Variants in ZHX3 observed in about 807,000 individuals in gnomAD.
ZHX3 encodes the protein zinc fingers and homeoboxes protein 3.
Under a neutral mutation model 64.5 loss-of-function variants are expected in ZHX3, and 20 were observed. The ratio of observed to expected loss-of-function variants is 0.31; its 90% confidence interval spans 0.22 to 0.45. The LOEUF is 0.45. Ranked by LOEUF, ZHX3 falls within the 20% of genes least tolerant of loss-of-function variation. The pLI is 1.00. For synonymous variants in ZHX3, 423 were observed against 461.6 expected (o/e 0.92, Z 1.07); for missense variants, 1,041 against 1,195.8 (o/e 0.87, Z 1.91).
chr20:41,255,301 G>A (rs1168832623), intron 2 of ZHX3, among the ~76,000 whole-genome samples: 3 of 151,960 alleles, frequency 2.0e-5, no homozygotes, highest in African/African-American at 4.8e-5. Context: ...ACAGGCGCCC[G>A]CCACCATGCC....
rs1444281868 is a variant in ZHX3 at position 41,212,135 on chromosome 20, C to A, written c.-150-7069G>T. Among the ~76,000 whole-genome samples, 1 of 152,128 alleles carries A rather than the reference C, an allele frequency of 6.6e-6. No individual in the cohort carries two copies. The highest frequency in any genetic ancestry group is 2.4e-5 in the African/African-American group (1 of 41,422). ...ACAATCCACAGAAAGAAAAGGTTTG[C>A]AAATCATCTATCTGGTAAAGTATAT... On this transcript the variant is annotated intron_variant, in intron 2 of 3. Coordinates refer to ENST00000683867, the MANE Select transcript of ZHX3 (RefSeq NM_001384317.1). This position sits in a 1 kb window ranked among gnomAD's most constrained non-coding sequence, Gnocchi z 4.3.
chr20:41,237,623 G>A (rs899705720), intron 2 of ZHX3, among the ~76,000 whole-genome samples: 1 of 152,212 alleles, frequency 6.6e-6, no homozygotes, highest in Non-Finnish European at 1.5e-5. Flanking sequence ...TGGGGTAGGA[G>A]GAGTGGGGAG....
chr20:41,270,865 T>C (rs2043110438), intron 1 of ZHX3, among the ~76,000 whole-genome samples: 1 of 152,152 alleles, frequency 6.6e-6, no homozygotes. Context: ...ATTAATAATT[T>C]ACTGAGAAAC....
At position 41,195,057 on chromosome 20, in the gene ZHX3, G is replaced by A. The variant is rs1361087252; in HGVS notation, c.2860+7000C>T. On this transcript the variant is annotated intron_variant, in intron 3 of 3. Transcript: ENST00000683867. This position sits in a 1 kb window ranked among gnomAD's most constrained non-coding sequence, Gnocchi z 4.2. ...TTATTTCCTTCCTTCTGGTAACTTTGGGTTTCATTTGCTCTTTTCTAGTTC... is the reference window on the plus strand; with the variant it reads ...TTATTTCCTTCCTTCTGGTAACTTTAGGTTTCATTTGCTCTTTTCTAGTTC... Among the ~76,000 whole-genome samples the A allele has an allele frequency of 6.6e-6, 1 of 151,808 alleles. No homozygotes were observed. Among genetic ancestry groups the A allele is most frequent in the African/African-American group, 2.4e-5 (1 of 41,302 alleles).
chr20:41,218,923 GTTTT>G (rs888061526), intron 2 of ZHX3, among the ~76,000 whole-genome samples: 4 of 92,576 alleles, frequency 4.3e-5, no homozygotes, highest in Non-Finnish European at 8.2e-5. Context: ...AAACAGTGCT[GTTTT>G]TTTTTTTTTT....
At chr20:41,230,274 C>G (rs2040520060) in intron 2 of ZHX3, among the ~76,000 whole-genome samples, 1 of 152,062 alleles carries the variant, frequency 6.6e-6, no homozygotes, top group Non-Finnish European at 1.5e-5. Flanking sequence ...TTGGACAGCA[C>G]TGCCTAGATG....
intron 1 of ZHX3, among the ~76,000 whole-genome samples, chr20:41,289,902 T>C (rs1001484708): frequency 9.2e-5 from 14 of 152,226 alleles, no homozygotes; most frequent in Admixed American, 7.8e-4. Flanking sequence ...TATGCACTTC[T>C]ATCCTAGTTG....
At chr20:41,270,324 C>T (rs1385864680) in intron 1 of ZHX3, among the ~76,000 whole-genome samples, 2 of 136,956 alleles carry the variant, frequency 1.5e-5, no homozygotes, top group African/African-American at 5.6e-5. Flanking sequence ...TGCAGTGAGC[C>T]GAGATCGCAC....
intron 2 of ZHX3, among the ~76,000 whole-genome samples, chr20:41,220,238 G>A (rs1016264168): frequency 4.6e-5 from 7 of 152,224 alleles, no homozygotes; most frequent in Non-Finnish European, 1.0e-4. Context: ...AGAGGAGGTT[G>A]CTTTTGGATT....
At chr20:41,302,571 A>T (rs945248899) in intron 1 of ZHX3, among the ~76,000 whole-genome samples, 1 of 152,226 alleles carries the variant, frequency 6.6e-6, no homozygotes, top group African/African-American at 2.4e-5. Context: ...TTCTGCAAAT[A>T]AACACCCACA....
chr20:41,188,079 A>G (rs1299656933), intron 3 of ZHX3, among the ~76,000 whole-genome samples: 3 of 151,974 alleles, frequency 2.0e-5, no homozygotes, highest in Non-Finnish European at 4.4e-5. Context: ...TTCTACTCTC[A>G]CACCCTTCCC....
intron 2 of ZHX3, among the ~76,000 whole-genome samples, chr20:41,234,246 C>T (rs1362244972): frequency 6.6e-6 from 1 of 152,166 alleles, no homozygotes; most frequent in African/African-American, 2.4e-5. Flanking sequence ...AGAGTTCTAC[C>T]TTTTTATTAC....
chr20:41,308,518 T>C (rs967558805), intron 1 of ZHX3, among the ~76,000 whole-genome samples: 8 of 152,248 alleles, frequency 5.3e-5, no homozygotes, highest in African/African-American at 1.9e-4. Flanking sequence ...GACAACATTC[T>C]TTTCCCAAAG....
intron 3 of ZHX3, among the ~76,000 whole-genome samples, chr20:41,196,457 T>TATTTATATATTATAAATATATA (rs11480834): frequency 0.075 from 102 of 1,368 alleles, 4 homozygotes; most frequent in East Asian, 0.23. Context: ...ATATAATATA[T>TATTTATATATTATAAATATATA]TTATATATAA....
chr20:41,202,019 C>T lies in ZHX3; in HGVS notation c.2860+38G>A. ...CAACCATAAGTGCCTCCTCCCCTTA[C>T]CCACACAGGATAGCCATGGCCCCTG... On this transcript the variant is annotated intron_variant, in intron 3 of 3. Coordinates refer to ENST00000683867, the MANE Select transcript of ZHX3 (RefSeq NM_001384317.1). This position sits in a 1 kb window ranked among gnomAD's most constrained non-coding sequence, Gnocchi z 7.0. The T allele has an allele frequency of 1.3e-6, 2 of 1,532,890 alleles. No individual in the cohort carries two copies. The highest frequency in any genetic ancestry group is 1.8e-6 in the Non-Finnish European group (2 of 1,140,596). 95.0% of individuals were successfully genotyped at this position (1,532,890 alleles called of 1,614,324 possible).
intron 1 of ZHX3, among the ~76,000 whole-genome samples, chr20:41,298,155 T>C (rs1332378413): frequency 6.6e-6 from 1 of 152,120 alleles, no homozygotes; most frequent in South Asian, 2.1e-4. Flanking sequence ...CACAGAGCAT[T>C]ACCCAGCAGG....
chr20:41,276,608 T>C (rs1369978234), intron 1 of ZHX3, among the ~76,000 whole-genome samples: 1 of 152,216 alleles, frequency 6.6e-6, no homozygotes, highest in Non-Finnish European at 1.5e-5. Context: ...CCTGCCGTTC[T>C]GTGCCCAAGA....
intron 1 of ZHX3, among the ~76,000 whole-genome samples, chr20:41,288,734 C>A (rs1432379994): frequency 6.6e-6 from 1 of 152,138 alleles, no homozygotes; most frequent in African/African-American, 2.4e-5. Flanking sequence ...ATGTCTATGA[C>A]CCCTGGTCTA....
intron 1 of ZHX3, among the ~76,000 whole-genome samples, chr20:41,295,980 C>T (rs1441644175): frequency 1.3e-5 from 2 of 151,986 alleles, no homozygotes; most frequent in Non-Finnish European, 2.9e-5. Context: ...AGTTGGTTGT[C>T]CTTTATAATG....
Sources: gnomAD v4.1 joint callset for allele counts (sites outside exome capture counted in the v4.1 genomes callset) on GRCh38, gnomAD v4.1.1 for gene constraint, Gnocchi (gnomAD v3.1) non-coding constraint, MANE v1.5 for transcripts, NCBI Gene and HGNC (gene_info 2026-07-23, HGNC 2026-07-21) for gene names.